AKT3: variants seen among roughly 807,000 people sequenced by gnomAD.
The protein encoded by AKT3 is AKT serine/threonine kinase 3, also known as RAC-gamma serine/threonine-protein kinase.
In AKT3, 15 loss-of-function variants were observed where a neutral mutation model predicts 65.3. That is an observed-to-expected ratio of 0.23 (90% CI 0.15 to 0.35). AKT3 has a LOEUF of 0.35. Ranked by LOEUF, AKT3 falls within the 10% of genes least tolerant of loss-of-function variation. The pLI, the probability that AKT3 is intolerant of heterozygous loss-of-function variation, is 1.00. For synonymous variants in AKT3, 206 were observed against 183.8 expected, an observed-to-expected ratio of 1.12 and a Z score of -0.98; for missense variants, 243 against 576.5, an observed-to-expected ratio of 0.42 and a Z score of 5.92.
chr1:243,770,474 A>ATG (rs1690109941), intron 2 of AKT3, among the ~76,000 whole-genome samples: 1 of 152,160 alleles, frequency 6.6e-6, no homozygotes, highest in Non-Finnish European at 1.5e-5. Flanking sequence ...TTTTTCAAGT[A>ATG]AAACTAATTG....
intron 4 of AKT3, among the ~76,000 whole-genome samples, chr1:243,652,415 G>C (rs182551269): frequency 2.0e-5 from 3 of 152,018 alleles, no homozygotes; most frequent in African/African-American, 7.3e-5. Flanking sequence ...TTACAGACAA[G>C]CAAATGCTGA....
intron 2 of AKT3, among the ~76,000 whole-genome samples, chr1:243,699,866 G>GA (rs1039755191): frequency 1.4e-4 from 22 of 152,028 alleles, no homozygotes; most frequent in African/African-American, 5.1e-4. Context: ...AACACACAGA[G>GA]AAAAGGAAGG....
rs531854461 is a variant in AKT3 at position 243,615,945 on chromosome 1, G to T, written c.562-784C>A. On this transcript the variant is annotated intron_variant, in intron 6 of 13. Coordinates refer to ENST00000673466, the MANE Select transcript of AKT3 (RefSeq NM_005465.7). ...TTTAGAGATAGGGTCTTGCTATGTT[G>T]CCCAGGCTGAGCTCAAACTCCTGAG... Among the ~76,000 whole-genome samples, 370 of 151,920 alleles carry T rather than the reference G, an allele frequency of 2.4e-3. 2 individuals carry two copies. The highest frequency in any genetic ancestry group is 8.8e-3 in the African/African-American group (363 of 41,442).
intron 3 of AKT3, among the ~76,000 whole-genome samples, chr1:243,686,994 C>A (rs1477711821): frequency 1.3e-5 from 2 of 151,764 alleles, no homozygotes; most frequent in Non-Finnish European, 2.9e-5. Flanking sequence ...TCACTGTAAG[C>A]CTGTGAAGAA....
At chr1:243,518,720 A>C (rs577921491) in intron 12 of AKT3, among the ~76,000 whole-genome samples, 4 of 152,210 alleles carry the variant, frequency 2.6e-5, no homozygotes, top group Non-Finnish European at 5.9e-5. Flanking sequence ...AATTTCTAGA[A>C]TATATAATAT....
chr1:243,819,478 A>G (rs1015380473), intron 2 of AKT3, among the ~76,000 whole-genome samples: 2 of 152,126 alleles, frequency 1.3e-5, no homozygotes, highest in Admixed American at 6.5e-5. Flanking sequence ...GGGTTTAGGA[A>G]TGGAACTCTG....
chr1:243,775,103 T>C lies in AKT3; in HGVS notation c.46+68022A>G, dbSNP rs140375421. 4.8e-4 allele frequency among the ~76,000 whole-genome samples: 73 copies of C among 152,216 alleles called. 1 individual carries two copies. In the East Asian group the frequency reaches 0.013, roughly 27 times the overall value. On this transcript the variant is annotated intron_variant, in intron 2 of 13. Transcript: ENST00000673466. ...GTCTCACACTTCTGAACTCAAGCAA[T>C]CCTCCTGCCTCAAATTCCCAGAGTG...
chr1:243,719,833 G>T (rs1384056527), intron 2 of AKT3, among the ~76,000 whole-genome samples: 1 of 152,108 alleles, frequency 6.6e-6, no homozygotes, highest in East Asian at 1.9e-4. Context: ...CAGTCGTATG[G>T]CCACACCTAA....
At position 243,501,330 on chromosome 1, in the gene AKT3, A is replaced by G; in HGVS notation, c.*3919T>C. On this transcript the variant is annotated 3_prime_UTR_variant, in exon 14 of 14. Coordinates refer to ENST00000673466, the MANE Select transcript of AKT3 (RefSeq NM_005465.7). The stretch of plus-strand genomic sequence containing the variant: ...TGACATGTTGTTAGAAATACACTCT[A>G]AGAAAGGAAATATGCAGAGCAGTAC... 4.3e-6 allele frequency: 1 copy of G among 233,216 alleles called. No individual in the cohort carries two copies. Among genetic ancestry groups the G allele is most frequent in the African/African-American group, 2.2e-5 (1 of 45,472 alleles). 14.4% of individuals were successfully genotyped at this position (233,216 alleles called of 1,614,324 possible).
At chr1:243,735,885 A>G (rs922884488) in intron 2 of AKT3, 4 of 152,244 alleles carry the variant, frequency 2.6e-5, no homozygotes, top group African/African-American at 9.6e-5. Context: ...TGTATTTCAA[A>G]TATTATTAAA....
At chr1:243,520,929 A>G (rs3006941) in intron 12 of AKT3, among the ~76,000 whole-genome samples, 9,657 of 152,206 alleles carry the variant, frequency 0.063, 1,007 homozygotes, top group African/African-American at 0.22. Flanking sequence ...CAAAGAGATA[A>G]TTTTCTGAAG....
intron 10 of AKT3, among the ~76,000 whole-genome samples, chr1:243,555,407 T>A (rs1673341748): frequency 6.6e-6 from 1 of 152,102 alleles, no homozygotes; most frequent in South Asian, 2.1e-4. Context: ...CTTTCCTGAA[T>A]CTAAATTATT....
chr1:243,581,557 A>G (rs1044208628), intron 8 of AKT3, among the ~76,000 whole-genome samples: 2 of 152,188 alleles, frequency 1.3e-5, no homozygotes, highest in African/African-American at 2.4e-5. Flanking sequence ...AAAAAAATAT[A>G]TAATAACATT....
chr1:243,840,947 CAATT>C (rs1695204311), intron 2 of AKT3, among the ~76,000 whole-genome samples: 1 of 150,982 alleles, frequency 6.6e-6, no homozygotes, highest in Non-Finnish European at 1.5e-5. Flanking sequence ...AATGATGAGA[CAATT>C]AAAAATAGGA....
At chr1:243,827,406 T>C (rs151110449) in intron 2 of AKT3, among the ~76,000 whole-genome samples, 10 of 152,248 alleles carry the variant, frequency 6.6e-5, no homozygotes, top group East Asian at 1.9e-4. Flanking sequence ...ACTATAAAGA[T>C]TGAGAAATTA....
chr1:243,777,870 G>A (rs887818012), intron 2 of AKT3, among the ~76,000 whole-genome samples: 2 of 152,096 alleles, frequency 1.3e-5, no homozygotes, highest in Non-Finnish European at 2.9e-5. Flanking sequence ...AAATTCCTTA[G>A]ACTGGAATGT....
At chr1:243,770,025 G>C (rs1325594978) in intron 2 of AKT3, among the ~76,000 whole-genome samples, 1 of 152,150 alleles carries the variant, frequency 6.6e-6, no homozygotes, top group Non-Finnish European at 1.5e-5. Context: ...TCTTTTATAT[G>C]TGGAAATCGG....
At chr1:243,595,673 A>G (rs1306267416) in intron 8 of AKT3, among the ~76,000 whole-genome samples, 1 of 152,110 alleles carries the variant, frequency 6.6e-6, no homozygotes, top group Non-Finnish European at 1.5e-5. Flanking sequence ...CTAAACCTAC[A>G]CAGTCAGGAT....
At chr1:243,847,709 CTTCT>C (rs1411658209) in intron 1 of AKT3, among the ~76,000 whole-genome samples, 3 of 152,096 alleles carry the variant, frequency 2.0e-5, no homozygotes, top group East Asian at 1.9e-4. Flanking sequence ...AAACAGATTC[CTTCT>C]GACAGTGATT....
Sources: allele counts gnomAD v4.1 joint callset (sites outside exome capture counted in the v4.1 genomes callset), GRCh38; gene constraint gnomAD v4.1.1; transcripts MANE v1.5; gene names NCBI Gene and HGNC (gene_info 2026-07-23, HGNC 2026-07-21).